Variants in PRKN observed in about 807,000 individuals in gnomAD.
PRKN encodes the protein E3 ubiquitin-protein ligase parkin.
PRKN carries 56 observed loss-of-function variants against 59.5 expected under a neutral mutation model. That is an observed-to-expected ratio of 0.94 (90% CI 0.76 to 1.18). The LOEUF (loss-of-function observed/expected upper bound fraction) is 1.18. Ranked by LOEUF, PRKN falls within the 50% of genes most tolerant of loss-of-function variation. The pLI, the probability that PRKN is intolerant of heterozygous loss-of-function variation, is 0.00. For synonymous variants in PRKN, 250 were observed against 222.1 expected (o/e 1.13, Z -1.12); for missense variants, 657 against 596.4 (o/e 1.10, Z -1.06).
rs557478871 is a variant in PRKN, at chr6:161,924,488, G to T, written c.734+48814C>A. Among the ~76,000 whole-genome samples the T allele has an allele frequency of 3.9e-5, 6 of 152,316 alleles. No homozygotes were observed. In the South Asian group the frequency reaches 1.2e-3, roughly 32 times the overall value. On this transcript the variant is annotated intron_variant, in intron 6 of 11. Coordinates refer to ENST00000366898, the MANE Select transcript of PRKN (RefSeq NM_004562.3). ...TATTCAGCATAGTGCCTGACACACA[G>T]CAAGATTTTAATAACTACTCACTGA...
Position 162,432,518 on chromosome 6 carries a change from C to A in PRKN, c.171+10792G>T, listed in dbSNP as rs1789588202. The stretch of plus-strand genomic sequence containing the variant: ...CCCAACCTGGCAACAAAGCGAGACA[C>A]CGTCTAAAACAAACAAACAAACAAA... On this transcript the variant is annotated intron_variant, in intron 2 of 11. Transcript: ENST00000366898. Among the ~76,000 whole-genome samples the A allele has an allele frequency of 2.7e-5, 4 of 149,174 alleles. 1 individual carries two copies. In the South Asian group the frequency reaches 8.5e-4, roughly 32 times the overall value.
At chr6:162,178,857 C>A (rs1181234243) in intron 4 of PRKN, among the ~76,000 whole-genome samples, 1 of 152,040 alleles carries the variant, frequency 6.6e-6, no homozygotes, top group Non-Finnish European at 1.5e-5. Flanking sequence ...TCTTCCTCAT[C>A]AGTGTTTTCG....
intron 1 of PRKN, among the ~76,000 whole-genome samples, chr6:162,719,643 T>C (rs1327446418): frequency 2.6e-5 from 4 of 152,172 alleles, no homozygotes; most frequent in Admixed American, 2.0e-4. Context: ...ATCTAGGGAA[T>C]GTCTCCAGTA....
intron 4 of PRKN, among the ~76,000 whole-genome samples, chr6:162,119,545 C>T (rs549937735): frequency 6.6e-6 from 1 of 152,246 alleles, no homozygotes; most frequent in South Asian, 2.1e-4. Context: ...TTCCTTATTC[C>T]TGTCTGCTTG....
chr6:161,697,085 G>A (rs1485495905), intron 7 of PRKN, among the ~76,000 whole-genome samples: 1 of 152,186 alleles, frequency 6.6e-6, no homozygotes, highest in Non-Finnish European at 1.5e-5. Context: ...ACTTTTCAAG[G>A]ATCCTGCACT....
chr6:161,858,858 C>CTTTTGTTTTTTTTTTTTTT (rs1793765586), intron 6 of PRKN, among the ~76,000 whole-genome samples: 1 of 71,936 alleles, frequency 1.4e-5, no homozygotes, highest in Non-Finnish European at 2.7e-5. Flanking sequence ...CACAGCTGTA[C>CTTTTGTTTTTTTTTTTTTT]TTTTTTTTTT....
At chr6:162,192,451 T>G (rs4709580) in intron 4 of PRKN, among the ~76,000 whole-genome samples, 23 of 114,412 alleles carry the variant, frequency 2.0e-4, no homozygotes, top group Non-Finnish European at 1.7e-4. Flanking sequence ...GATTTTTTTT[T>G]TTTTTTTTTT....
chr6:162,135,222 TA>T (rs1305849615), intron 4 of PRKN, among the ~76,000 whole-genome samples: 3 of 152,166 alleles, frequency 2.0e-5, no homozygotes, highest in African/African-American at 7.2e-5. Context: ...CTGTAGTCTC[TA>T]ACCCCTAGGC....
intron 7 of PRKN, among the ~76,000 whole-genome samples, chr6:161,711,590 T>A (rs1053397619): frequency 1.3e-5 from 2 of 152,168 alleles, no homozygotes; most frequent in African/African-American, 4.8e-5. Context: ...TTAATTTGAT[T>A]GGATTGAAGG....
At chr6:162,311,143 TA>T (rs1407015613) in intron 2 of PRKN, among the ~76,000 whole-genome samples, 1 of 152,206 alleles carries the variant, frequency 6.6e-6, no homozygotes, top group Non-Finnish European at 1.5e-5. Context: ...AACTTTCCTG[TA>T]ACAGTTGAAG....
intron 6 of PRKN, among the ~76,000 whole-genome samples, chr6:161,964,238 C>T (rs1780493786): frequency 6.6e-6 from 1 of 151,972 alleles, no homozygotes; most frequent in Non-Finnish European, 1.5e-5. Context: ...TCAATTTCTT[C>T]ATTTATAAGA....
chr6:161,466,408 G>A lies in PRKN; in HGVS notation c.1084-79531C>T, dbSNP rs780809227. 6.6e-6 allele frequency among the ~76,000 whole-genome samples: 1 copy of A among 152,068 alleles called. No individual in the cohort carries two copies. The highest frequency in any genetic ancestry group is 2.4e-5 in the African/African-American group (1 of 41,416). ...TGAAACTATGTAAGCTGTTTGGCTT[G>A]TTCTTTTTGTTACGGTAGAAATCTA... On this transcript the variant is annotated intron_variant, in intron 9 of 11. Coordinates refer to ENST00000366898, the MANE Select transcript of PRKN (RefSeq NM_004562.3). The surrounding 1 kb of genome is among the most constrained non-coding windows in gnomAD (Gnocchi z 5.0).
At chr6:161,802,789 T>TCC (rs1169844030) in intron 6 of PRKN, among the ~76,000 whole-genome samples, 1 of 152,172 alleles carries the variant, frequency 6.6e-6, no homozygotes, top group Non-Finnish European at 1.5e-5. Flanking sequence ...CCCTCCCTGT[T>TCC]CCCCAGCCAT....
intron 7 of PRKN, among the ~76,000 whole-genome samples, chr6:161,700,460 A>T (rs1786206425): frequency 6.6e-6 from 1 of 152,022 alleles, no homozygotes. Flanking sequence ...TGCCCTGTTT[A>T]CTTACCAGTA....
At chr6:162,704,122 G>T (rs1021640033) in intron 1 of PRKN, among the ~76,000 whole-genome samples, 2 of 152,150 alleles carry the variant, frequency 1.3e-5, no homozygotes, top group African/African-American at 4.8e-5. Flanking sequence ...GGTAAAGTGT[G>T]AGGACAATGG....
chr6:162,019,280 T>C (rs1211533585), intron 5 of PRKN, among the ~76,000 whole-genome samples: 3 of 152,172 alleles, frequency 2.0e-5, no homozygotes, highest in Non-Finnish European at 4.4e-5. Context: ...TGCATGCCTG[T>C]GTGTTGAATA....
intron 2 of PRKN, among the ~76,000 whole-genome samples, chr6:162,360,700 C>T (rs1350048097): frequency 6.6e-6 from 1 of 152,094 alleles, no homozygotes; most frequent in African/African-American, 2.4e-5. Context: ...AATGAAACAC[C>T]GACAATGGTA....
intron 6 of PRKN, among the ~76,000 whole-genome samples, chr6:161,878,372 C>T (rs1298250153): frequency 6.6e-6 from 1 of 152,012 alleles, no homozygotes; most frequent in Non-Finnish European, 1.5e-5. Context: ...CTTTAAGCGC[C>T]CCAGAAACCT....
At chr6:161,874,188 AT>A (rs1794512487) in intron 6 of PRKN, among the ~76,000 whole-genome samples, 3 of 65,500 alleles carry the variant, frequency 4.6e-5, no homozygotes, top group Admixed American at 2.9e-4. Context: ...ATTATATATA[AT>A]ATATAATATA....
Sources: allele counts gnomAD v4.1 joint callset (sites outside exome capture counted in the v4.1 genomes callset), GRCh38; gene constraint gnomAD v4.1.1; non-coding constraint Gnocchi (gnomAD v3.1); transcripts MANE v1.5; gene names NCBI Gene and HGNC (gene_info 2026-07-23, HGNC 2026-07-21).